The following POLR3G variants were observed in gnomAD, a reference collection of about 807,000 sequenced individuals.
The protein encoded by POLR3G is RNA polymerase III subunit G, also known as DNA-directed RNA polymerase III subunit RPC7.
In POLR3G, 28 loss-of-function variants were observed where a neutral mutation model predicts 30.1. That is an observed-to-expected ratio of 0.93 (90% CI 0.69 to 1.27). The LOEUF (loss-of-function observed/expected upper bound fraction) is 1.27, where lower values mean the gene tolerates loss of function less well. POLR3G is among the 50% of genes most tolerant of loss of function. POLR3G has a pLI of 0.00. For missense variants in POLR3G, 254 were observed against 264.6 expected (o/e 0.96, Z 0.28); for synonymous variants, 79 against 82.5 (o/e 0.96, Z 0.23).
intron 1 of POLR3G, among the ~76,000 whole-genome samples, chr5:90,481,932 A>G (rs150495983): frequency 1.3e-5 from 2 of 152,336 alleles, no homozygotes; most frequent in African/African-American, 4.8e-5. Context: ...GTAGAAAAGT[A>G]TAGTTAAAGT....
At chr5:90,506,697 T>C in intron 7 of POLR3G, 23 bp downstream of exon 7, 1 of 1,580,564 alleles carries the variant, frequency 6.3e-7, no homozygotes, top group Non-Finnish European at 8.6e-7. Context: ...TTGGGGATGG[T>C]AGCAAAATTA....
At chr5:90,492,314 T>C (rs1487237668) in intron 3 of POLR3G, among the ~76,000 whole-genome samples, 2 of 152,226 alleles carry the variant, frequency 1.3e-5, no homozygotes, top group African/African-American at 4.8e-5. Flanking sequence ...ATGTAATACT[T>C]TGTAACAAAA....
At chr5:90,488,843 T>G (rs2151905019) in intron 3 of POLR3G, among the ~76,000 whole-genome samples, 1 of 152,262 alleles carries the variant, frequency 6.6e-6, no homozygotes. Flanking sequence ...ACATTATAGT[T>G]GGAGAGGGCT....
upstream of POLR3G, chr5:90,474,086 T>C (rs1392747920): frequency 1.4e-5 from 22 of 1,575,332 alleles, no homozygotes; most frequent in Middle Eastern, 1.7e-4. Context: ...CCGCGTCCTC[T>C]TTGGCCTCTC....
intron 5 of POLR3G, among the ~76,000 whole-genome samples, chr5:90,498,420 C>T (rs144306171): frequency 2.0e-5 from 3 of 152,148 alleles, no homozygotes; most frequent in Admixed American, 1.3e-4. Flanking sequence ...CACTCCACCC[C>T]GTCCTCCCCT....
intron 7 of POLR3G, among the ~76,000 whole-genome samples, chr5:90,510,437 C>T (rs967775347): frequency 6.6e-6 from 1 of 151,912 alleles, no homozygotes; most frequent in South Asian, 2.1e-4. Context: ...ATCACTTAAA[C>T]AGAACTTGGA....
chr5:90,511,084 T>C (rs1752719146), intron 7 of POLR3G, among the ~76,000 whole-genome samples: 1 of 152,170 alleles, frequency 6.6e-6, no homozygotes, highest in Non-Finnish European at 1.5e-5. Context: ...TAGCTAATCT[T>C]TCAACCACTC....
At chr5:90,501,766 G>T in intron 5 of POLR3G, 140 bp from the exon 6 acceptor site, 1 of 897,870 alleles carries the variant, frequency 1.1e-6, no homozygotes, top group Non-Finnish European at 1.6e-6. Context: ...TTTATTCTTT[G>T]AGAAAATTAA....
At chr5:90,494,888 A>G (rs1207520475) in intron 3 of POLR3G, among the ~76,000 whole-genome samples, 1 of 152,178 alleles carries the variant, frequency 6.6e-6, no homozygotes. Context: ...TTTTTCCGGT[A>G]TACTGAGGGT....
rs575968153 is a variant in POLR3G, at chr5:90,496,190, C to G, written c.304+457C>G. On this transcript the variant is annotated intron_variant, in intron 4 of 7. Coordinates refer to ENST00000651687, the MANE Select transcript of POLR3G (RefSeq NM_006467.3). Reference sequence around the variant, plus strand: ...GTTTCACCGTGTTCGCCAGAATGGTCTTGATCTGACCTCATGATCCGCCCG... The same window carrying G: ...GTTTCACCGTGTTCGCCAGAATGGTGTTGATCTGACCTCATGATCCGCCCG... Among the ~76,000 whole-genome samples the G allele has an allele frequency of 2.9e-3, 443 of 152,112 alleles. 1 individual carries two copies. The highest frequency in any genetic ancestry group is 9.8e-3 in the African/African-American group (409 of 41,528).
Position 90,506,538 on chromosome 5 carries a change from AAAG to A in POLR3G, c.451_453del (p.Arg151del). On this transcript the variant is annotated inframe_deletion, in exon 7 of 8. Coordinates refer to ENST00000651687, the MANE Select transcript of POLR3G (RefSeq NM_006467.3). ...ACTCACTTATACCAGGAATTGGAAA[AAAG>A]AGGTGATGGTGAAAAATCAGATGAG... 6.2e-7 allele frequency: 1 copy of A among 1,612,604 alleles called. No individual in the cohort carries two copies. The highest frequency in any genetic ancestry group is 8.5e-7 in the Non-Finnish European group (1 of 1,179,566).
Position 90,512,365 on chromosome 5 carries a change from A to G in POLR3G, c.*226A>G, listed in dbSNP as rs1009758358. ...TCTAAACACCTCTGCCATCTCTCTT[A>G]TGTACTCTCATGGGTTTTTTTGTAT... On this transcript the variant is annotated 3_prime_UTR_variant, in exon 8 of 8. Coordinates refer to ENST00000651687, the MANE Select transcript of POLR3G (RefSeq NM_006467.3). The G allele has an allele frequency of 1.7e-4, 71 of 429,050 alleles. No individual in the cohort carries two copies. The highest frequency in any genetic ancestry group is 2.5e-4 in the Admixed American group (7 of 28,122). 26.6% of individuals were successfully genotyped at this position (429,050 alleles called of 1,614,324 possible).
At chr5:90,484,801 A>G (rs1050861610) in intron 1 of POLR3G, among the ~76,000 whole-genome samples, 18 of 152,212 alleles carry the variant, frequency 1.2e-4, no homozygotes, top group Non-Finnish European at 2.5e-4. Flanking sequence ...AATGTGCATT[A>G]TAATCATCAC....
chr5:90,479,836 G>C (rs1464453386), intron 1 of POLR3G, among the ~76,000 whole-genome samples: 1 of 152,136 alleles, frequency 6.6e-6, no homozygotes, highest in East Asian at 1.9e-4. Flanking sequence ...TGAGTAAATA[G>C]GGAGTTTGGA....
intron 1 of POLR3G, among the ~76,000 whole-genome samples, chr5:90,481,713 T>C (rs914369997): frequency 1.3e-5 from 2 of 152,200 alleles, no homozygotes; most frequent in Non-Finnish European, 2.9e-5. Flanking sequence ...AAGTTAAATG[T>C]CATGTATTTT....
chr5:90,497,923 T>C (rs1246669791), intron 5 of POLR3G, among the ~76,000 whole-genome samples: 1 of 151,926 alleles, frequency 6.6e-6, no homozygotes, highest in Non-Finnish European at 1.5e-5. Flanking sequence ...CTGGGCAACA[T>C]AGTGAGAACT....
chr5:90,492,293 A>C (rs1378977653), intron 3 of POLR3G, among the ~76,000 whole-genome samples: 1 of 152,196 alleles, frequency 6.6e-6, no homozygotes, highest in Non-Finnish European at 1.5e-5. Flanking sequence ...ATCTTTGAAA[A>C]AGAACTCATC....
At chr5:90,477,310 G>A (rs1750881354) in intron 1 of POLR3G, among the ~76,000 whole-genome samples, 1 of 152,174 alleles carries the variant, frequency 6.6e-6, no homozygotes, top group Admixed American at 6.5e-5. Flanking sequence ...GTGGTGAGAG[G>A]CAGAAAGACT....
At chr5:90,507,193 A>T (rs1296003556) in intron 7 of POLR3G, among the ~76,000 whole-genome samples, 1 of 152,200 alleles carries the variant, frequency 6.6e-6, no homozygotes, top group Non-Finnish European at 1.5e-5. Flanking sequence ...TACATTTCAG[A>T]ATTAGCTGGA....
Sources: allele counts gnomAD v4.1 joint callset (sites outside exome capture counted in the v4.1 genomes callset), GRCh38; gene constraint gnomAD v4.1.1; transcripts MANE v1.5; gene names NCBI Gene and HGNC (gene_info 2026-07-23, HGNC 2026-07-21).